ALG13: variants seen among roughly 807,000 people sequenced by gnomAD.
The protein encoded by ALG13 is UDP-N-acetylglucosamine transferase subunit ALG13.
In ALG13, 11 loss-of-function variants were observed where a neutral mutation model predicts 87.8. The ratio of observed to expected loss-of-function variants is 0.13; its 90% confidence interval spans 0.08 to 0.21. The LOEUF is 0.21. Ranked by LOEUF, ALG13 falls within the 10% of genes least tolerant of loss-of-function variation. ALG13 has a pLI of 1.00. For synonymous variants in ALG13, 320 were observed against 306.3 expected, an observed-to-expected ratio of 1.04 and a Z score of -0.47; for missense variants, 756 against 866.1, an observed-to-expected ratio of 0.87 and a Z score of 1.60.
At chrX:111,728,508 G>A (rs1942313127) in intron 19 of ALG13, among the ~76,000 whole-genome samples, 1 of 111,336 alleles carries the variant, frequency 9.0e-6, no homozygotes, top group African/African-American at 3.3e-5. Context: ...ATTTCATTAG[G>A]CTGCTACATT....
chrX:111,694,066 C>G (rs1224290638), intron 3 of ALG13, among the ~76,000 whole-genome samples: 1 of 107,506 alleles, frequency 9.3e-6, no homozygotes, highest in South Asian at 4.0e-4. Flanking sequence ...TTTTTTGAGA[C>G]AAAGTCTCGC....
At position 111,748,046 on chromosome X, in the gene ALG13, A is replaced by G. The variant is rs138793749; in HGVS notation, c.2932+3142A>G. The stretch of plus-strand genomic sequence containing the variant: ...TTTTAATTTGCATTTCCCTTATGAA[A>G]TCCGACGTAGAGCATCTTTTCATGT... On this transcript the variant is annotated intron_variant, in intron 24 of 26. Coordinates refer to ENST00000394780, the MANE Select transcript of ALG13 (RefSeq NM_001099922.3). 2.7e-5 allele frequency among the ~76,000 whole-genome samples: 3 copies of G among 112,027 alleles called. No individual in the cohort carries two copies. In the East Asian group the frequency reaches 8.5e-4, roughly 32 times the overall value.
chrX:111,732,433 G>A (rs187044393), intron 21 of ALG13, among the ~76,000 whole-genome samples: 22 of 112,220 alleles, frequency 2.0e-4, no homozygotes, highest in Admixed American at 1.6e-3. Flanking sequence ...TTGGCAGCAG[G>A]CTGCCAGACT....
Position 111,738,847 on chromosome X carries a change from GA to G in ALG13, c.2695+1981del, listed in dbSNP as rs375076331. On this transcript the variant is annotated intron_variant, in intron 23 of 26. Transcript: ENST00000394780. Reference sequence around the variant, plus strand: ...CCACCACACCCGGCCATAAACTTTAGAAAAAAAAAAAAATGTAAGAAGAGGG... The same window carrying G: ...CCACCACACCCGGCCATAAACTTTAGAAAAAAAAAAAATGTAAGAAGAGGG... Among the ~76,000 whole-genome samples the G allele has an allele frequency of 2.9e-3, 90 of 30,963 alleles. 1 individual carries two copies. The highest frequency in any genetic ancestry group is 0.019 in the Middle Eastern group (1 of 54). The allele number at this position is 30,963 out of a possible 115,157, so 26.9% of individuals were successfully genotyped here.
chrX:111,754,854 T>C (rs960265385), intron 25 of ALG13, among the ~76,000 whole-genome samples: 2 of 111,878 alleles, frequency 1.8e-5, no homozygotes, highest in Non-Finnish European at 3.8e-5. Flanking sequence ...CCCAAAGTAA[T>C]TTATAGATTC....
Position 111,729,597 on chromosome X carries a change from A to G in ALG13, c.2369-798A>G, listed in dbSNP as rs141442886. On this transcript the variant is annotated intron_variant, in intron 19 of 26. Transcript: ENST00000394780. Reference sequence around the variant, plus strand: ...ATAACCAAATCTTTGCTCCCACCTTAAATCTGGAGGAGTTTCATGCGTGTG... The same window carrying G: ...ATAACCAAATCTTTGCTCCCACCTTGAATCTGGAGGAGTTTCATGCGTGTG... 5.6e-3 allele frequency among the ~76,000 whole-genome samples: 624 copies of G among 111,629 alleles called. 4 individuals are homozygous for G. Among genetic ancestry groups the G allele is most frequent in the African/African-American group, 0.019 (585 of 30,709 alleles).
chrX:111,681,364 A>G (rs1202325179), intron 1 of ALG13, 65 bp downstream of exon 1: 1 of 1,201,414 alleles, frequency 8.3e-7, no homozygotes, highest in Non-Finnish European at 1.1e-6. Flanking sequence ...CCATACTGCC[A>G]GCCGCGTTAG....
At position 111,722,778 on chromosome X, in the gene ALG13, A is replaced by G. The variant is rs1941539310; in HGVS notation, c.1436-15A>G. ...CCAGTTTAGTTGAGCTTGAATCTTC[A>G]TTTTCTTTTAATAGAACTTCAAAAA... On this transcript the variant is annotated splice_polypyrimidine_tract_variant and intron_variant, in intron 12 of 26. Coordinates refer to ENST00000394780, the MANE Select transcript of ALG13 (RefSeq NM_001099922.3). The G allele has an allele frequency of 9.6e-6, 11 of 1,149,032 alleles. No individual in the cohort carries two copies. Among genetic ancestry groups the G allele is most frequent in the Non-Finnish European group, 1.3e-5 (11 of 847,305 alleles). The allele number at this position is 1,149,032 out of a possible 1,213,427, so 94.7% of individuals were successfully genotyped here.
At chrX:111,719,899 G>T (rs1365281231) in intron 10 of ALG13, among the ~76,000 whole-genome samples, 196 bp from the exon 11 acceptor site, 5 of 112,174 alleles carry the variant, frequency 4.5e-5, no homozygotes, top group Non-Finnish European at 9.4e-5. Flanking sequence ...GTAAAATATA[G>T]GAGGTAATCT....
chrX:111,750,931 A>G (rs1162901908), intron 24 of ALG13, among the ~76,000 whole-genome samples: 2 of 110,411 alleles, frequency 1.8e-5, no homozygotes, highest in Non-Finnish European at 3.8e-5. Context: ...GGCCTCCCAG[A>G]GTGCTGAGAT....
chrX:111,723,625 A>G (rs941401012), intron 13 of ALG13, among the ~76,000 whole-genome samples, 173 bp from the exon 14 acceptor site: 5 of 111,988 alleles, frequency 4.5e-5, no homozygotes, highest in African/African-American at 1.6e-4. Flanking sequence ...AAATTTAGTG[A>G]TTAGATGTAA....
intron 25 of ALG13, among the ~76,000 whole-genome samples, chrX:111,756,948 G>A (rs1945312455): frequency 1.8e-5 from 2 of 111,630 alleles, no homozygotes; most frequent in South Asian, 3.7e-4. Context: ...TTTCACTGAG[G>A]CATTTAAAAA....
intron 3 of ALG13, among the ~76,000 whole-genome samples, chrX:111,703,361 T>A (rs994070246): frequency 7.2e-5 from 8 of 111,769 alleles, no homozygotes; most frequent in Non-Finnish European, 7.5e-5. Context: ...ACTCTGTTAT[T>A]TCTTCTGCTT....
At chrX:111,734,257 T>C in intron 21 of ALG13, 1 of 112,655 alleles carries the variant, frequency 8.9e-6, no homozygotes, top group Non-Finnish European at 1.9e-5. Context: ...TCATGAACAT[T>C]TATTTCTACT....
rs185457953 is a variant in ALG13 at position 111,726,707 on chromosome X, G to A, written c.1730-102G>A. On this transcript the variant is annotated intron_variant, in intron 15 of 26. Transcript: ENST00000394780. ...CCTATGTTTATTTGGTTTGTTCCTAGGGGAAGCATTGGAAAGTTTAAGGCA... is the reference window on the plus strand; with the variant it reads ...CCTATGTTTATTTGGTTTGTTCCTAAGGGAAGCATTGGAAAGTTTAAGGCA... The A allele has an allele frequency of 6.6e-3, 6,242 of 946,996 alleles. 27 individuals are homozygous for A. Among genetic ancestry groups the A allele is most frequent in the Non-Finnish European group, 8.3e-3 (5,580 of 673,930 alleles). 78.0% of individuals were successfully genotyped at this position (946,996 alleles called of 1,213,427 possible).
intron 23 of ALG13, among the ~76,000 whole-genome samples, chrX:111,743,580 C>G (rs1342500441): frequency 2.7e-5 from 3 of 111,586 alleles, no homozygotes; most frequent in Non-Finnish European, 3.8e-5. Flanking sequence ...AGACACAGAC[C>G]TATTACTGTT....
At chrX:111,711,751 C>T (rs765215417) in intron 6 of ALG13, 26 bp downstream of exon 6, 23 of 1,171,859 alleles carry the variant, frequency 2.0e-5, no homozygotes, top group Non-Finnish European at 2.7e-5. Flanking sequence ...GGGGTTTAAT[C>T]TTTTCAGAGT....
At chrX:111,683,306 TTTTCC>T (rs1161009204) in intron 2 of ALG13, among the ~76,000 whole-genome samples, 4 of 107,755 alleles carry the variant, frequency 3.7e-5, no homozygotes, top group African/African-American at 6.8e-5. Context: ...TTTTCTTTTC[TTTTCC>T]TTTCCTTTCT....
intron 5 of ALG13, among the ~76,000 whole-genome samples, chrX:111,710,740 A>G (rs1310975961): frequency 8.9e-6 from 1 of 112,352 alleles, no homozygotes; most frequent in Non-Finnish European, 1.9e-5. Context: ...TCTTTCACCC[A>G]GGCTGGAGTG....
Sources: gnomAD v4.1 joint callset for allele counts (sites outside exome capture counted in the v4.1 genomes callset) on GRCh38, gnomAD v4.1.1 for gene constraint, MANE v1.5 for transcripts, NCBI Gene and HGNC (gene_info 2026-07-23, HGNC 2026-07-21) for gene names.